The following UBR3 variants were observed in gnomAD, a reference collection of about 807,000 sequenced individuals.
The protein encoded by UBR3 is E3 ubiquitin-protein ligase UBR3.
UBR3 carries 85 observed loss-of-function variants against 243.2 expected under a neutral mutation model. That is an observed-to-expected ratio of 0.35 (90% CI 0.29 to 0.42). The LOEUF is 0.42. Ranked by LOEUF, UBR3 falls within the 10% of genes least tolerant of loss-of-function variation. The probability of loss-of-function intolerance (pLI) is 1.00; values close to 1 mark genes in which losing one functional copy is unlikely to be tolerated. For synonymous variants in UBR3, 748 were observed against 799.8 expected, an observed-to-expected ratio of 0.94 and a Z score of 1.09; for missense variants, 1,686 against 2,300.8, an observed-to-expected ratio of 0.73 and a Z score of 5.47.
intron 24 of UBR3, among the ~76,000 whole-genome samples, chr2:169,980,960 G>A (rs536350931): frequency 1.3e-5 from 2 of 152,118 alleles, no homozygotes; most frequent in South Asian, 2.1e-4. Flanking sequence ...CCCCTCTAGT[G>A]ATGATATGGG....
chr2:170,072,146 A>G (rs964760044), intron 35 of UBR3, among the ~76,000 whole-genome samples: 26 of 152,162 alleles, frequency 1.7e-4, no homozygotes, highest in African/African-American at 2.4e-4. Context: ...GACACTATTC[A>G]CAATAGCAAA....
chr2:169,922,176 C>T (rs2085727256), intron 11 of UBR3, among the ~76,000 whole-genome samples: 1 of 151,578 alleles, frequency 6.6e-6, no homozygotes, highest in Non-Finnish European at 1.5e-5. Flanking sequence ...GTCCCAGCTG[C>T]TCAGGGGGCC....
In UBR3 at chr2:170,001,447, A is replaced by G. The variant is rs370471500; in HGVS notation, c.4029+33A>G. The stretch of plus-strand genomic sequence containing the variant: ...GATTGCAAAAATTTTTTAAAGGTGC[A>G]TGTATCTTTCCAGGTATTAAATCTT... On this transcript the variant is annotated intron_variant, in intron 27 of 38. Coordinates refer to ENST00000272793, the MANE Select transcript of UBR3 (RefSeq NM_172070.4). 2.4e-5 allele frequency: 32 copies of G among 1,327,432 alleles called. No individual in the cohort carries two copies. In the African/African-American group the frequency reaches 4.5e-4, roughly 19 times the overall value. 82.2% of individuals were successfully genotyped at this position (1,327,432 alleles called of 1,614,324 possible). A position where few individuals can be genotyped will look rare whatever the true frequency, so the allele number is the denominator to read the frequency against.
In UBR3 at chr2:170,001,912, CAAAAAAAAAAAA is replaced by C. The variant is rs71006062; in HGVS notation, c.4029+517_4029+528del. Among the ~76,000 whole-genome samples the C allele has an allele frequency of 8.6e-4, 58 of 67,494 alleles. 1 individual carries two copies. Among genetic ancestry groups the C allele is most frequent in the East Asian group, 4.4e-3 (11 of 2,498 alleles). The allele number at this position is 67,494 out of a possible 152,430, so 44.3% of individuals were successfully genotyped here. ...TGGGCAACAGAGAGAGACTCCATCT[CAAAAAAAAAAAA>C]AAAAAAAAAAAAAAAAAAGAAAGAA... On this transcript the variant is annotated intron_variant, in intron 27 of 38. Coordinates refer to ENST00000272793, the MANE Select transcript of UBR3 (RefSeq NM_172070.4).
rs967719436 is a variant in UBR3 at position 169,856,018 on chromosome 2, G to A, written c.546-16218G>A. On this transcript the variant is annotated intron_variant, in intron 1 of 38. Transcript: ENST00000272793. Reference sequence around the variant, plus strand: ...GATGGGGGGGCTGCCAGGCGGAGACGCTCCTCACCTGCCAGACGGGGCGGC... The same window carrying A: ...GATGGGGGGGCTGCCAGGCGGAGACACTCCTCACCTGCCAGACGGGGCGGC... Among the ~76,000 whole-genome samples, 298 of 151,660 alleles carry A rather than the reference G, an allele frequency of 2.0e-3. 1 individual carries two copies. Among genetic ancestry groups the A allele is most frequent in the African/African-American group, 6.8e-3 (280 of 41,288 alleles).
chr2:169,986,597 G>C (rs1241150718), intron 24 of UBR3, 48 bp from the exon 25 acceptor site: 1 of 1,549,560 alleles, frequency 6.5e-7, no homozygotes, highest in Admixed American at 2.0e-5. Flanking sequence ...TCATTGAAGA[G>C]AGATTTTCCT....
At position 169,986,721 on chromosome 2, in the gene UBR3, T is replaced by C; in HGVS notation, c.3711T>C (p.Val1237=). 6.2e-7 allele frequency: 1 copy of C among 1,614,076 alleles called. No homozygotes were observed. Among genetic ancestry groups the C allele is most frequent in the Admixed American group, 1.7e-5 (1 of 60,006 alleles). The change falls in exon 25 of 39, where the codon GTT becomes GTC. Residue 1237 remains valine (V), a synonymous_variant. Coordinates refer to ENST00000272793, the MANE Select transcript of UBR3 (RefSeq NM_172070.4). ...PQVSEAVYDC[V]ICGQSGPSSE... ...TTTCCGAGGCAGTATATGACTGTGTTATTTGTGGACAGAGTGGCCCCTCCT... is the reference window on the plus strand; with the variant it reads ...TTTCCGAGGCAGTATATGACTGTGTCATTTGTGGACAGAGTGGCCCCTCCT...
At chr2:170,048,718 T>C (rs2091148291) in intron 32 of UBR3, among the ~76,000 whole-genome samples, 1 of 152,186 alleles carries the variant, frequency 6.6e-6, no homozygotes, top group Admixed American at 6.5e-5. Context: ...TAAAGTTTTT[T>C]CTTTTAAGTG....
intron 1 of UBR3, among the ~76,000 whole-genome samples, chr2:169,852,055 G>T (rs1293685524): frequency 1.3e-5 from 2 of 152,070 alleles, no homozygotes; most frequent in African/African-American, 4.8e-5. Flanking sequence ...ATGATCAGAA[G>T]ACAATGTGGT....
chr2:169,895,284 C>A lies in UBR3; in HGVS notation c.1209C>A (p.Leu403=). Residue 403 remains leucine, a synonymous_variant, in exon 7 of 39, where the codon CTC becomes CTA. Coordinates refer to ENST00000272793, the MANE Select transcript of UBR3 (RefSeq NM_172070.4). ...EFPQKMVTFL[L]NMLPDQEYKV... ...CTCAAAAGATGGTAACTTTCTTACT[C>A]AACATGCTTCCAGATCAAGAGTATA... The A allele has an allele frequency of 1.3e-6, 2 of 1,544,630 alleles. No individual in the cohort carries two copies. Among genetic ancestry groups the A allele is most frequent in the South Asian group, 2.4e-5 (2 of 82,620 alleles).
At chr2:169,835,070 G>T (rs1169161826) in intron 1 of UBR3, among the ~76,000 whole-genome samples, 1 of 152,164 alleles carries the variant, frequency 6.6e-6, no homozygotes, top group African/African-American at 2.4e-5. Flanking sequence ...AGTTTGGGAA[G>T]ATGAAAAAGT....
chr2:169,867,562 G>A (rs531057377), intron 1 of UBR3, among the ~76,000 whole-genome samples: 10 of 152,118 alleles, frequency 6.6e-5, no homozygotes, highest in East Asian at 1.9e-4. Flanking sequence ...CTTGTGTTAC[G>A]AACATTTACA....
rs555418596 is a variant in UBR3 at position 169,887,374 on chromosome 2, G to A, written c.1039-3791G>A. On this transcript the variant is annotated intron_variant, in intron 5 of 38. Coordinates refer to ENST00000272793, the MANE Select transcript of UBR3 (RefSeq NM_172070.4). ...TCATCTTCTCTTAGGATCCTATACTGCTTCCTCAGGGACAAATGAACCTTA... is the reference window on the plus strand; with the variant it reads ...TCATCTTCTCTTAGGATCCTATACTACTTCCTCAGGGACAAATGAACCTTA... Among the ~76,000 whole-genome samples, 38 of 152,250 alleles carry A rather than the reference G, an allele frequency of 2.5e-4. 1 individual carries two copies. The highest frequency in any genetic ancestry group is 8.4e-4 in the African/African-American group (35 of 41,558).
At chr2:169,901,231 G>A (rs2084808888) in intron 8 of UBR3, among the ~76,000 whole-genome samples, 1 of 152,024 alleles carries the variant, frequency 6.6e-6, no homozygotes, top group African/African-American at 2.4e-5. Context: ...TGCTTCTAAT[G>A]CAGTTAGTCT....
intron 31 of UBR3, among the ~76,000 whole-genome samples, chr2:170,038,706 G>A (rs767875819): frequency 2.0e-5 from 3 of 152,088 alleles, no homozygotes; most frequent in South Asian, 2.1e-4. Context: ...TTTATTGGAG[G>A]ACTATCATGT....
At position 169,872,467 on chromosome 2, in the gene UBR3, T is replaced by C. The variant is rs1008255610; in HGVS notation, c.685+92T>C. On this transcript the variant is annotated intron_variant, in intron 2 of 38. Transcript: ENST00000272793. ...ATTATGAGGTGAATTTTTTTAGATA[T>C]CTTTTTTTGTTTAACATTTAAAAAG... The C allele has an allele frequency of 1.1e-5, 10 of 930,326 alleles. No individual in the cohort carries two copies. The Admixed American group carries it at 2.6e-4, about 24-fold the overall frequency. The allele number at this position is 930,326 out of a possible 1,614,324, so 57.6% of individuals were successfully genotyped here. A position where few individuals can be genotyped will look rare whatever the true frequency, so the allele number is the denominator to read the frequency against.
intron 24 of UBR3, among the ~76,000 whole-genome samples, chr2:169,961,822 C>A (rs141872440): frequency 1.3e-5 from 2 of 150,244 alleles, no homozygotes; most frequent in East Asian, 3.9e-4. Context: ...GCTCAATGAG[C>A]CTTTTCAGTC....
chr2:169,946,905 G>A (rs1478002742), intron 21 of UBR3, among the ~76,000 whole-genome samples: 1 of 152,096 alleles, frequency 6.6e-6, no homozygotes, highest in African/African-American at 2.4e-5. Flanking sequence ...ATGGGAGAAT[G>A]TTTAAAGTAC....
intron 24 of UBR3, among the ~76,000 whole-genome samples, chr2:169,973,622 A>G (rs990167412): frequency 7.9e-5 from 12 of 152,214 alleles, no homozygotes; most frequent in Non-Finnish European, 1.6e-4. Context: ...AGGATTTTCT[A>G]TATGTAAAGT....
Sources: allele counts gnomAD v4.1 joint callset (sites outside exome capture counted in the v4.1 genomes callset), GRCh38; gene constraint gnomAD v4.1.1; transcripts MANE v1.5; gene names NCBI Gene and HGNC (gene_info 2026-07-23, HGNC 2026-07-21).